The following ROBO2 variants were observed in gnomAD, a reference collection of about 807,000 sequenced individuals.
The protein encoded by ROBO2 is roundabout homolog 2.
A neutral mutation model predicts 160.8 loss-of-function variants in ROBO2; 53 were observed. That is an observed-to-expected ratio of 0.33 (90% confidence interval 0.26 to 0.41). ROBO2 has a LOEUF of 0.41. Among genes scored for constraint, ROBO2 ranks in the 10% least tolerant of loss-of-function variants. The probability of loss-of-function intolerance (pLI) is 1.00; values close to 1 mark genes in which losing one functional copy is unlikely to be tolerated. For missense variants in ROBO2, 1,577 were observed against 1,722.4 expected (o/e 0.92, Z 1.49); for synonymous variants, 664 against 611.7 (o/e 1.09, Z -1.26).
intron 2 of ROBO2, among the ~76,000 whole-genome samples, chr3:76,501,800 A>G (rs1433277168): frequency 6.6e-6 from 1 of 152,188 alleles, no homozygotes; most frequent in East Asian, 1.9e-4. Flanking sequence ...GGGTACAGAA[A>G]ATAAGTATAC....
chr3:76,399,095 A>G (rs968561673), intron 2 of ROBO2, among the ~76,000 whole-genome samples: 1 of 151,860 alleles, frequency 6.6e-6, no homozygotes, highest in Non-Finnish European at 1.5e-5. Context: ...ACGCAAGCAT[A>G]ATATAATTTT....
At chr3:76,585,743 G>A (rs527360268) in intron 2 of ROBO2, among the ~76,000 whole-genome samples, 1 of 152,126 alleles carries the variant, frequency 6.6e-6, no homozygotes, top group Admixed American at 6.6e-5. Flanking sequence ...AAACCACTTG[G>A]TTAATTTGTT....
rs11917313 is a variant in ROBO2, at chr3:76,831,220, C to T, written c.110-266794C>T. Among the ~76,000 whole-genome samples the T allele has an allele frequency of 8.2e-3, 1,246 of 152,072 alleles. 22 individuals are homozygous for T. The highest frequency in any genetic ancestry group is 0.028 in the African/African-American group (1,148 of 41,462). ...TCAAAAATATCCTGATGGGTCCATA[C>T]GAGTTTTTTGGATTTTTTAATCATA... On this transcript the variant is annotated intron_variant, in intron 2 of 26. Transcript: ENST00000487694.
chr3:76,881,979 T>TTGTG (rs140384151), intron 2 of ROBO2, among the ~76,000 whole-genome samples: 5 of 145,998 alleles, frequency 3.4e-5, no homozygotes, highest in Non-Finnish European at 7.6e-5. Flanking sequence ...TAGGTTGGTT[T>TTGTG]TGTGTGTGTG....
At chr3:76,936,116 C>A (rs2077682679) in intron 2 of ROBO2, among the ~76,000 whole-genome samples, 1 of 151,568 alleles carries the variant, frequency 6.6e-6, no homozygotes, top group East Asian at 1.9e-4. Flanking sequence ...CTTATGTGTA[C>A]TATTAAGATG....
chr3:76,171,972 AT>A (rs1261076430), intron 2 of ROBO2, among the ~76,000 whole-genome samples: 1 of 152,134 alleles, frequency 6.6e-6, no homozygotes, highest in Admixed American at 6.6e-5. Context: ...TGTAAAGAAC[AT>A]ACCCAAGTCT....
In ROBO2 at chr3:77,528,724, T is replaced by C. The variant is rs2153632854; in HGVS notation, c.934+5822T>C. Among the ~76,000 whole-genome samples, 2 of 151,686 alleles carry C rather than the reference T, an allele frequency of 1.3e-5. 1 individual carries two copies. Among genetic ancestry groups the C allele is most frequent in the East Asian group, 3.9e-4 (2 of 5,138 alleles). ...CCAATGTTGGTAGCTATCGTATGCCTAGTTTCTGAGGCATGACTTCACATT... is the reference window on the plus strand; with the variant it reads ...CCAATGTTGGTAGCTATCGTATGCCCAGTTTCTGAGGCATGACTTCACATT... On this transcript the variant is annotated intron_variant, in intron 6 of 25. Coordinates refer to ENST00000461745, the Ensembl canonical transcript of ROBO2.
chr3:77,183,588 T>C (rs1253968887), intron 2 of ROBO2, among the ~76,000 whole-genome samples: 1 of 152,066 alleles, frequency 6.6e-6, no homozygotes, highest in Non-Finnish European at 1.5e-5. Flanking sequence ...TGCTGACCCC[T>C]TGATCTTGAA....
chr3:76,500,174 A>G (rs1011347954), intron 2 of ROBO2, among the ~76,000 whole-genome samples: 1 of 152,116 alleles, frequency 6.6e-6, no homozygotes, highest in Non-Finnish European at 1.5e-5. Flanking sequence ...GTTGGAGTGC[A>G]ATGACACAAT....
intron 2 of ROBO2, among the ~76,000 whole-genome samples, chr3:76,916,036 A>G (rs2076283465): frequency 6.6e-6 from 1 of 152,074 alleles, no homozygotes; most frequent in Non-Finnish European, 1.5e-5. Context: ...ATCACCTCCC[A>G]AAGGCCTTAC....
intron 2 of ROBO2, among the ~76,000 whole-genome samples, chr3:76,517,580 T>G (rs2081403212): frequency 6.6e-6 from 1 of 152,210 alleles, no homozygotes; most frequent in Admixed American, 6.5e-5. Flanking sequence ...TAGCTAAATG[T>G]AAAACGATGT....
intron 2 of ROBO2, among the ~76,000 whole-genome samples, chr3:76,605,689 A>G (rs763387440): frequency 1.3e-5 from 2 of 152,166 alleles, no homozygotes; most frequent in Non-Finnish European, 2.9e-5. Flanking sequence ...TCACAGAAAC[A>G]GCTGAGGAAA....
At chr3:76,599,246 C>A (rs890840393) in intron 2 of ROBO2, among the ~76,000 whole-genome samples, 2 of 152,010 alleles carry the variant, frequency 1.3e-5, no homozygotes, top group African/African-American at 4.8e-5. Context: ...TTAAGTAGGC[C>A]CCAGTGTCTG....
intron 2 of ROBO2, among the ~76,000 whole-genome samples, chr3:76,320,248 T>C (rs1026546399): frequency 1.3e-5 from 2 of 152,184 alleles, no homozygotes; most frequent in African/African-American, 4.8e-5. Flanking sequence ...TTGAATTTCA[T>C]TTCTGTACAA....
rs77127452 is a variant in ROBO2 at position 76,799,834 on chromosome 3, C to G, written c.110-298180C>G. On this transcript the variant is annotated intron_variant, in intron 2 of 26. Transcript: ENST00000487694. Reference sequence around the variant, plus strand: ...ATTCAATACAATCTTTATCAAAATACCAAAATGCCAATCTTTACATTCTTC... The same window carrying G: ...ATTCAATACAATCTTTATCAAAATAGCAAAATGCCAATCTTTACATTCTTC... Among the ~76,000 whole-genome samples, 258 of 152,160 alleles carry G rather than the reference C, an allele frequency of 1.7e-3. 1 individual carries two copies. Among genetic ancestry groups the G allele is most frequent in the African/African-American group, 5.7e-3 (238 of 41,520 alleles).
At chr3:77,197,288 A>G (rs2150985887) in intron 2 of ROBO2, among the ~76,000 whole-genome samples, 1 of 152,292 alleles carries the variant, frequency 6.6e-6, no homozygotes, top group Non-Finnish European at 1.5e-5. Context: ...CTAGTGTTGG[A>G]TGAGCTTAGG....
chr3:76,314,846 A>G (rs2071874280), intron 2 of ROBO2, among the ~76,000 whole-genome samples: 1 of 152,172 alleles, frequency 6.6e-6, no homozygotes, highest in South Asian at 2.1e-4. Context: ...CAAAAGTTAT[A>G]TGCAGATTTT....
chr3:76,953,339 A>G (rs1277729146), intron 2 of ROBO2, among the ~76,000 whole-genome samples: 1 of 152,232 alleles, frequency 6.6e-6, no homozygotes, highest in African/African-American at 2.4e-5. Context: ...ATGTATATAA[A>G]GAGCTTAGTC....
intron 2 of ROBO2, among the ~76,000 whole-genome samples, chr3:76,657,523 A>C: frequency 6.6e-6 from 1 of 150,648 alleles, no homozygotes; most frequent in South Asian, 2.1e-4. Flanking sequence ...AGACAGGATA[A>C]TCCCTCGAGC....
Sources: gnomAD v4.1 joint callset for allele counts (sites outside exome capture counted in the v4.1 genomes callset) on GRCh38, gnomAD v4.1.1 for gene constraint, MANE v1.5 for transcripts, NCBI Gene and HGNC (gene_info 2026-07-23, HGNC 2026-07-21) for gene names.